Variants in DNAH9 observed in about 807,000 individuals in gnomAD.
DNAH9 encodes dynein axonemal heavy chain 9.
Under a neutral mutation model 471.6 loss-of-function variants are expected in DNAH9, and 345 were observed. The observed-to-expected ratio is 0.73, with a 90% CI of 0.67 to 0.80. The LOEUF (loss-of-function observed/expected upper bound fraction) is 0.80. Ranked by LOEUF, DNAH9 falls within the 30% of genes least tolerant of loss-of-function variation. The pLI is 0.00. For synonymous variants in DNAH9, 2,093 were observed against 2,123.6 expected (o/e 0.99, Z 0.40); for missense variants, 5,407 against 5,609.2 (o/e 0.96, Z 1.15).
chr17:11,916,847 C>T (rs985670956), intron 61 of DNAH9, among the ~76,000 whole-genome samples: 5 of 152,186 alleles, frequency 3.3e-5, no homozygotes, highest in Admixed American at 1.3e-4. Flanking sequence ...CCTCCACCCC[C>T]GAAAAATGCA....
At chr17:11,804,580 T>C (rs1969591751) in intron 43 of DNAH9, among the ~76,000 whole-genome samples, 1 of 152,160 alleles carries the variant, frequency 6.6e-6, no homozygotes, top group Admixed American at 6.6e-5. Flanking sequence ...TTTTCCACCA[T>C]TAAATTGGCA....
chr17:11,929,024 CTTTTTTTTTTT>C (rs71142254), intron 62 of DNAH9, among the ~76,000 whole-genome samples: 2 of 102,906 alleles, frequency 1.9e-5, no homozygotes, highest in South Asian at 3.7e-4. Flanking sequence ...GTGTTACAGC[CTTTTTTTTTTT>C]TTTTTTTTTT....
intron 27 of DNAH9, among the ~76,000 whole-genome samples, chr17:11,720,297 G>A (rs1013599650): frequency 4.0e-5 from 6 of 150,174 alleles, no homozygotes; most frequent in East Asian, 2.0e-4. Flanking sequence ...TGTGCACAAC[G>A]TGCAGGTTTG....
chr17:11,643,206 C>T (rs1459672820), intron 10 of DNAH9, among the ~76,000 whole-genome samples: 3 of 152,256 alleles, frequency 2.0e-5, no homozygotes, highest in African/African-American at 7.2e-5. Context: ...GCCACACTCT[C>T]TTCCGTGGTC....
chr17:11,902,756 G>C lies in DNAH9; in HGVS notation c.11444G>C (p.Arg3815Pro). The change falls in exon 60 of 69, where the codon CGG becomes CCG. Residue 3815 changes from arginine to proline, a missense_variant. Around this residue, in one of 3 missense-constraint regions of DNAH9, gnomAD observed 4,636 missense variants for 4,900.3 expected, o/e 0.95. Coordinates refer to ENST00000262442, the MANE Select transcript of DNAH9 (RefSeq NM_001372.4). Reference sequence around the variant, plus strand: ...ATGGAAGAATTCTCTAATCTGGATCGGGACATAGAGGGATCTGCTAAGAGC... The same window carrying C: ...ATGGAAGAATTCTCTAATCTGGATCCGGACATAGAGGGATCTGCTAAGAGC... ...SSMEEFSNLD[R>P]DIEGSAKSWK... The C allele has an allele frequency of 6.2e-7, 1 of 1,613,490 alleles. No homozygotes were observed. The highest frequency in any genetic ancestry group is 1.1e-5 in the South Asian group (1 of 91,046).
Position 11,744,751 on chromosome 17 carries a change from C to T in DNAH9, c.6112-46C>T, listed in dbSNP as rs146993819. 406 of 1,540,078 alleles carry T rather than the reference C, an allele frequency of 2.6e-4. 1 individual carries two copies. The South Asian group carries it at 3.4e-3, about 13-fold the overall frequency. ...GATTCTGCAGACACTCACCCCAGCA[C>T]ATGGTGTTCTGTCTCTCTGTCACTT... is the stretch of plus-strand genomic sequence containing the variant. On this transcript the variant is annotated intron_variant, in intron 30 of 68. Transcript: ENST00000262442.
intron 49 of DNAH9, among the ~76,000 whole-genome samples, chr17:11,843,878 TATATATATATATAC>T (rs1432442879): frequency 1.5e-5 from 2 of 132,152 alleles, no homozygotes; most frequent in African/African-American, 2.8e-5. Flanking sequence ...TATATATATA[TATATATATATATAC>T]ACATAGAGAG....
At chr17:11,849,874 A>T (rs548589848) in intron 49 of DNAH9, among the ~76,000 whole-genome samples, 1 of 152,270 alleles carries the variant, frequency 6.6e-6, no homozygotes, top group South Asian at 2.1e-4. Context: ...ATACTAAATA[A>T]TATTTGTCCA....
intron 49 of DNAH9, among the ~76,000 whole-genome samples, chr17:11,851,687 C>T (rs550639942): frequency 1.5e-4 from 23 of 152,202 alleles, no homozygotes; most frequent in Admixed American, 7.2e-4. Context: ...AGAGCCCTGC[C>T]GACAACATTG....
intron 7 of DNAH9, 109 bp from the exon 8 acceptor site, chr17:11,632,478 T>C: frequency 1.6e-6 from 1 of 632,696 alleles, no homozygotes; most frequent in Middle Eastern, 3.3e-4. Flanking sequence ...AAAATTAAAA[T>C]AATTCTTTGG....
At chr17:11,822,623 C>T in intron 47 of DNAH9, 24 bp downstream of exon 47, 1 of 1,612,644 alleles carries the variant, frequency 6.2e-7, no homozygotes, top group Non-Finnish European at 8.5e-7. Flanking sequence ...GGAGACACTC[C>T]TAAAAGTCCT....
At position 11,617,416 on chromosome 17, in the gene DNAH9, G is replaced by A. The variant is rs2072768410; in HGVS notation, c.910G>A (p.Ala304Thr). 6.2e-7 allele frequency: 1 copy of A among 1,612,826 alleles called. No individual in the cohort carries two copies. Among genetic ancestry groups the A allele is most frequent in the Non-Finnish European group, 8.5e-7 (1 of 1,178,988 alleles). The change falls in exon 5 of 69, where the codon GCA (alanine) becomes ACA (threonine). Residue 304 changes from alanine to threonine, a missense_variant. Physicochemically the swap from Ala to Thr is moderately conservative, Grantham distance 58. Coordinates refer to ENST00000262442, the MANE Select transcript of DNAH9 (RefSeq NM_001372.4). ...CCATCTCCAATTCCTTCCAGCTCTA[G>A]CAGAGGCACAGGACATCCATGTGCA... Reference protein sequence around the residue: ...AMYRDVVAALAEAQDIHVHLI... With the variant: ...AMYRDVVAALTEAQDIHVHLI...
chr17:11,928,340 ATTG>A (rs1463783880), intron 62 of DNAH9, among the ~76,000 whole-genome samples: 1 of 152,092 alleles, frequency 6.6e-6, no homozygotes, highest in East Asian at 1.9e-4. Context: ...AGCAAACGTT[ATTG>A]TTATTTCTCT....
intron 42 of DNAH9, 107 bp downstream of exon 42, chr17:11,793,771 GT>G (rs1969144667): frequency 1.1e-6 from 1 of 942,476 alleles, no homozygotes; most frequent in Non-Finnish European, 1.6e-6. Context: ...AAAGGCCAGA[GT>G]TTAGGTGAGG....
intron 67 of DNAH9, among the ~76,000 whole-genome samples, chr17:11,953,502 A>ATGTT (rs1452254737): frequency 6.6e-6 from 1 of 152,164 alleles, no homozygotes; most frequent in African/African-American, 2.4e-5. Context: ...ATAATCCATC[A>ATGTT]TGTTTGTTAG....
At chr17:11,741,752 C>T (rs1244678318) in intron 29 of DNAH9, among the ~76,000 whole-genome samples, 1 of 152,186 alleles carries the variant, frequency 6.6e-6, no homozygotes, top group Non-Finnish European at 1.5e-5. Context: ...TAGGGGAACT[C>T]TCAGTTTGTT....
At position 11,797,688 on chromosome 17, in the gene DNAH9, A is replaced by C; in HGVS notation, c.8315A>C (p.Gln2772Pro). The change falls in exon 43 of 69, where the codon CAG (glutamine) becomes CCG (proline). Residue 2772 changes from glutamine to proline, a missense_variant. Gln to Pro is a moderately conservative substitution (Grantham distance 76). Around this residue, in one of 3 missense-constraint regions of DNAH9, gnomAD observed 4,636 missense variants for 4,900.3 expected, o/e 0.95. Coordinates refer to ENST00000262442, the MANE Select transcript of DNAH9 (RefSeq NM_001372.4). ...GIGEPKYMPV[Q>P]SWELLTQTLV... ...GGGGAGCCCAAATACATGCCTGTAC[A>C]GTCTTGGGAACTTTTGACCCAGACT... is the stretch of plus-strand genomic sequence containing the variant. The C allele has an allele frequency of 1.2e-6, 2 of 1,614,238 alleles. No homozygotes were observed. The highest frequency in any genetic ancestry group is 1.1e-5 in the South Asian group (1 of 91,088).
At chr17:11,615,357 G>A (rs1465107655) in intron 4 of DNAH9, among the ~76,000 whole-genome samples, 1 of 152,050 alleles carries the variant, frequency 6.6e-6, no homozygotes, top group South Asian at 2.1e-4. Flanking sequence ...GGCTGAGGCG[G>A]GCAGATCACT....
chr17:11,740,048 G>A (rs182630090), intron 29 of DNAH9, among the ~76,000 whole-genome samples: 91 of 152,296 alleles, frequency 6.0e-4, no homozygotes, highest in Non-Finnish European at 2.1e-4. Context: ...CGTGTCGCTG[G>A]GGTGACGGGG....
Sources: gnomAD v4.1 joint callset for allele counts (sites outside exome capture counted in the v4.1 genomes callset) on GRCh38, gnomAD v4.1.1 for gene constraint, gnomAD v4.1.1 regional missense constraint, MANE v1.5 for transcripts, NCBI Gene and HGNC (gene_info 2026-07-23, HGNC 2026-07-21) for gene names.